LINGO4: variants seen among roughly 807,000 people sequenced by gnomAD.
LINGO4 encodes the protein leucine-rich repeat and immunoglobulin-like domain-containing nogo receptor-interacting protein 4.
A neutral mutation model predicts 27.9 loss-of-function variants in LINGO4; 22 were observed. The observed-to-expected ratio is 0.79, with a 90% CI of 0.56 to 1.13. The LOEUF (loss-of-function observed/expected upper bound fraction) is 1.13. Among genes scored for constraint, LINGO4 ranks in the 50% most tolerant of loss-of-function variants. LINGO4 has a pLI of 0.00. For synonymous variants in LINGO4, 306 were observed against 325.8 expected (o/e 0.94, Z 0.65); for missense variants, 706 against 739.4 (o/e 0.95, Z 0.52).
chr1:151,801,606 G>T lies in LINGO4; in HGVS notation c.1099C>A (p.Leu367Ile). Residue 367 changes from leucine (L) to isoleucine (I), a missense_variant, in exon 2 of 2, where the codon CTC (leucine) becomes ATC (isoleucine). Coordinates refer to ENST00000368820, the MANE Select transcript of LINGO4 (RefSeq NM_001004432.4). The surrounding 1 kb of genome is among the most constrained non-coding windows in gnomAD (Gnocchi z 5.7). ...GNPLTCDCRL[L>I]WLLRLRRHLD... ...TGGCGGCGGAGCCGGAGCAGCCAGA[G>T]GAGGCGGCAGTCACAGGTTAGGGGG... 6.2e-7 allele frequency: 1 copy of T among 1,613,914 alleles called. No homozygotes were observed. The highest frequency in any genetic ancestry group is 8.5e-7 in the Non-Finnish European group (1 of 1,180,028).
In LINGO4 at chr1:151,801,215, G is replaced by T. The variant is rs1423684564; in HGVS notation, c.1490C>A (p.Thr497Asn). The stretch of plus-strand genomic sequence containing the variant: ...TTCCACCTGGATGACTTCCAGCCAG[G>T]TCCTCAGGGAGTCATTCCCAGCGAC... ...SNVAGNDSLR[T>N]WLEVIQVEPP... is the part of the protein sequence containing the mutation. The change falls in exon 2 of 2, where the codon ACC (threonine) becomes AAC (asparagine). Residue 497 changes from threonine to asparagine, a missense_variant. Thr to Asn is a moderately conservative substitution (Grantham distance 65, BLOSUM62 0). Transcript: ENST00000368820. This position sits in a 1 kb window ranked among gnomAD's most constrained non-coding sequence, Gnocchi z 5.7. 2 of 1,614,092 alleles carry T rather than the reference G, an allele frequency of 1.2e-6. No homozygotes were observed. The highest frequency in any genetic ancestry group is 3.3e-5 in the Admixed American group (2 of 60,008).
chr1:151,801,292 G>A lies in LINGO4; in HGVS notation c.1413C>T (p.Ile471=). Residue 471 remains isoleucine (I), a synonymous_variant, in exon 2 of 2, where the codon ATC becomes ATT. Coordinates refer to ENST00000368820, the MANE Select transcript of LINGO4 (RefSeq NM_001004432.4). The surrounding 1 kb of genome is among the most constrained non-coding windows in gnomAD (Gnocchi z 5.7). ...CTCTGTCCCGTAGCTGCACTGAGCGGATCTCCAGTGTCCCATCCTCTAGGA... is the reference window on the plus strand; with the variant it reads ...CTCTGTCCCGTAGCTGCACTGAGCGAATCTCCAGTGTCCCATCCTCTAGGA... ...VRVLEDGTLE[I]RSVQLRDRGA... 6.2e-7 allele frequency: 1 copy of A among 1,613,898 alleles called. No homozygotes were observed. The highest frequency in any genetic ancestry group is 8.5e-7 in the Non-Finnish European group (1 of 1,179,800).
At position 151,800,931 on chromosome 1, in the gene LINGO4, G is replaced by A. The variant is rs375117714; in HGVS notation, c.1774C>T (p.Leu592Phe). ...CACTGGGGAAGGAAAGGTCAGAAGAGCTTGGCAGTGACCCGGTTACCCCCA... is the reference window on the plus strand; with the variant it reads ...CACTGGGGAAGGAAAGGTCAGAAGAACTTGGCAGTGACCCGGTTACCCCCA... ...NSGGNRVTAKLF is the reference protein window; with the variant it reads ...NSGGNRVTAKFF The change falls in exon 2 of 2, where the codon CTC becomes TTC. Residue 592 changes from leucine (L) to phenylalanine (F), a missense_variant. Coordinates refer to ENST00000368820, the MANE Select transcript of LINGO4 (RefSeq NM_001004432.4). 3 of 1,605,590 alleles carry A rather than the reference G, an allele frequency of 1.9e-6. No individual in the cohort carries two copies. The highest frequency in any genetic ancestry group is 1.1e-5 in the South Asian group (1 of 90,018).
At position 151,802,256 on chromosome 1, in the gene LINGO4, C is replaced by T. The variant is rs761001878; in HGVS notation, c.449G>A (p.Gly150Glu). 5 of 1,614,074 alleles carry T rather than the reference C, an allele frequency of 3.1e-6. No individual in the cohort carries two copies. In the Admixed American group the frequency reaches 8.3e-5, roughly 27 times the overall value. Residue 150 changes from glycine (G) to glutamate (E), a missense_variant, in exon 2 of 2, where the codon GGA (glycine) becomes GAA (glutamate). Transcript: ENST00000368820. ...GAGGCTGCCTAGCTCCCCAAAAGCT[C>T]CATCTAGGAAGAGAACAATCTGGTT... is the stretch of plus-strand genomic sequence containing the variant. ...RLNQIVLFLD[G>E]AFGELGSLQK...
At position 151,801,098 on chromosome 1, in the gene LINGO4, A is replaced by G; in HGVS notation, c.1607T>C (p.Leu536Pro). ...GAGGAAGGGGAGGAAGCCGACTGCC[A>G]GCACCATGGCCACACCTCTGCTATC... is the stretch of plus-strand genomic sequence containing the variant. ...FLDSRGVAMV[L>P]AVGFLPFLTS... The change falls in exon 2 of 2, where the codon CTG (leucine) becomes CCG (proline). Residue 536 changes from leucine to proline, a missense_variant. Transcript: ENST00000368820. The surrounding 1 kb of genome is among the most constrained non-coding windows in gnomAD (Gnocchi z 5.7). 6.2e-7 allele frequency: 1 copy of G among 1,614,242 alleles called. No individual in the cohort carries two copies.
Position 151,801,384 on chromosome 1 carries a change from G to A in LINGO4, c.1321C>T (p.Pro441Ser), listed in dbSNP as rs1651138729. The A allele has an allele frequency of 6.2e-7, 1 of 1,614,064 alleles. No homozygotes were observed. ...CTCATCCAGGAGACAGTGGGGGCTG[G>A]GTCTCCATCTCCAGAGCAGGAGAAA... ...AVFSCSGDGDPAPTVSWMRPH... is the reference protein window; with the variant it reads ...AVFSCSGDGDSAPTVSWMRPH... Residue 441 changes from proline (P) to serine (S), a missense_variant, in exon 2 of 2, where the codon CCA becomes TCA. Transcript: ENST00000368820. The surrounding 1 kb of genome is among the most constrained non-coding windows in gnomAD (Gnocchi z 5.7).
At position 151,805,290 on chromosome 1, in the gene LINGO4, G is replaced by C. The variant is rs1651256138; in HGVS notation, c.-74C>G. On this transcript the variant is annotated 5_prime_UTR_variant, in exon 1 of 2. Coordinates refer to ENST00000368820, the MANE Select transcript of LINGO4 (RefSeq NM_001004432.4). Reference sequence around the variant, plus strand: ...GCATCTGTCCAGCGCTGGGGGCCCTGTCCCATTCGAGCTGCACCTCAGGCC... The same window carrying C: ...GCATCTGTCCAGCGCTGGGGGCCCTCTCCCATTCGAGCTGCACCTCAGGCC... 1 of 158,380 alleles carries C rather than the reference G, an allele frequency of 6.3e-6. No individual in the cohort carries two copies. The highest frequency in any genetic ancestry group is 1.4e-5 in the Non-Finnish European group (1 of 71,004). The allele number at this position is 158,380 out of a possible 1,614,324, so 9.8% of individuals were successfully genotyped here.
Position 151,801,526 on chromosome 1 carries a change from C to G in LINGO4, c.1179G>C (p.Gly393=), listed in dbSNP as rs369003154. The G allele has an allele frequency of 2.5e-6, 4 of 1,613,948 alleles. No individual in the cohort carries two copies. The African/African-American group carries it at 4.0e-5, about 16-fold the overall frequency. Residue 393 remains glycine, a synonymous_variant, in exon 2 of 2, where the codon GGG becomes GGC. Coordinates refer to ENST00000368820, the MANE Select transcript of LINGO4 (RefSeq NM_001004432.4). This position sits in a 1 kb window ranked among gnomAD's most constrained non-coding sequence, Gnocchi z 5.7. The part of the protein sequence containing the change: ...PACAGPHHVQ[G]KSLKEFSDIL... ...TGTCTGAAAACTCCTTCAGGCTCTTCCCCTGGACATGATGGGGGCCAGCAC... is the reference window on the plus strand; with the variant it reads ...TGTCTGAAAACTCCTTCAGGCTCTTGCCCTGGACATGATGGGGGCCAGCAC...
chr1:151,802,782 C>T, intron 1 of LINGO4, 65 bp from the exon 2 acceptor site: 3 of 1,174,922 alleles, frequency 2.6e-6, no homozygotes. Flanking sequence ...CCCTGGACTT[C>T]CTGGCCCTTC....
rs149026173 is a variant in LINGO4 at position 151,800,925 on chromosome 1, A to C, written c.1780T>G (p.Ter594GlyextTer79). 4 of 1,601,230 alleles carry C rather than the reference A, an allele frequency of 2.5e-6. No individual in the cohort carries two copies. The highest frequency in any genetic ancestry group is 3.4e-6 in the Non-Finnish European group (4 of 1,172,264). The change falls in exon 2 of 2, where the codon TGA becomes GGA. Residue 594 changes from the stop codon to glycine, a stop_lost. Coordinates refer to ENST00000368820, the MANE Select transcript of LINGO4 (RefSeq NM_001004432.4). ...GGNRVTAKLF[*>G] ...GTTCCCCACTGGGGAAGGAAAGGTC[A>C]GAAGAGCTTGGCAGTGACCCGGTTA... is the stretch of plus-strand genomic sequence containing the variant.
Position 151,801,973 on chromosome 1 carries a change from C to T in LINGO4, c.732G>A (p.Leu244=). 4 of 1,614,176 alleles carry T rather than the reference C, an allele frequency of 2.5e-6. No homozygotes were observed. The highest frequency in any genetic ancestry group is 3.4e-6 in the Non-Finnish European group (4 of 1,180,004). Residue 244 remains leucine, a synonymous_variant, in exon 2 of 2, where the codon CTG becomes CTA. Transcript: ENST00000368820. This position sits in a 1 kb window ranked among gnomAD's most constrained non-coding sequence, Gnocchi z 5.7. ...EIHLWPSLEA[L]DPGSLVGLNL... ...TGAGCCCAACCAGGCTCCCAGGGTCCAGAGCCTCCAGAGATGGCCAGAGGT... is the reference window on the plus strand; with the variant it reads ...TGAGCCCAACCAGGCTCCCAGGGTCTAGAGCCTCCAGAGATGGCCAGAGGT...
In LINGO4 at chr1:151,802,595, C is replaced by T; in HGVS notation, c.110G>A (p.Cys37Tyr). 2 of 1,600,600 alleles carry T rather than the reference C, an allele frequency of 1.2e-6. No homozygotes were observed. Among genetic ancestry groups the T allele is most frequent in the South Asian group, 1.1e-5 (1 of 89,040 alleles). Residue 37 changes from cysteine (C) to tyrosine (Y), a missense_variant, in exon 2 of 2, where the codon TGC becomes TAC. Physicochemically the swap from Cys to Tyr is radical, Grantham distance 194 (BLOSUM62 -2). Coordinates refer to ENST00000368820, the MANE Select transcript of LINGO4 (RefSeq NM_001004432.4). The part of the protein sequence containing the change: ...SGGSCPAVCD[C>Y]TSQPQAVLCG... ...GAGCACAGCCTGGGGCTGGGAGGTG[C>T]AGTCACACACAGCAGGGCAGCTGCC...
Position 151,805,418 on chromosome 1 carries a change from C to A in LINGO4, c.-202G>T. On this transcript the variant is annotated 5_prime_UTR_variant, in exon 1 of 2. Coordinates refer to ENST00000368820, the MANE Select transcript of LINGO4 (RefSeq NM_001004432.4). ...GCTGCTGCGGCCGCTGCTGCCAAGACTGAGGTGGAGAAAAGAGCCAGAAAG... is the reference window on the plus strand; with the variant it reads ...GCTGCTGCGGCCGCTGCTGCCAAGAATGAGGTGGAGAAAAGAGCCAGAAAG... 5.7e-6 allele frequency: 1 copy of A among 175,046 alleles called. No individual in the cohort carries two copies. Among genetic ancestry groups the A allele is most frequent in the Non-Finnish European group, 1.2e-5 (1 of 80,338 alleles). The allele number at this position is 175,046 out of a possible 1,614,324, so 10.8% of individuals were successfully genotyped here. A position where few individuals can be genotyped will look rare whatever the true frequency, so the allele number is the denominator to read the frequency against.
intron 1 of LINGO4, among the ~76,000 whole-genome samples, chr1:151,803,529 A>G (rs1651208657): frequency 6.6e-6 from 1 of 152,222 alleles, no homozygotes; most frequent in Admixed American, 6.5e-5. Context: ...AAGGATGCCC[A>G]GGTTTTGAGT....
rs753777481 is a variant in LINGO4 at position 151,801,971 on chromosome 1, T to C, written c.734A>G (p.Asp245Gly). ...ATTGAGCCCAACCAGGCTCCCAGGG[T>C]CCAGAGCCTCCAGAGATGGCCAGAG... is the stretch of plus-strand genomic sequence containing the variant. ...IHLWPSLEAL[D>G]PGSLVGLNLS... Residue 245 changes from aspartate (D) to glycine (G), a missense_variant, in exon 2 of 2, where the codon GAC becomes GGC. Coordinates refer to ENST00000368820, the MANE Select transcript of LINGO4 (RefSeq NM_001004432.4). The surrounding 1 kb of genome is among the most constrained non-coding windows in gnomAD (Gnocchi z 5.7). 2.5e-6 allele frequency: 4 copies of C among 1,613,902 alleles called. No individual in the cohort carries two copies. The highest frequency in any genetic ancestry group is 3.4e-6 in the Non-Finnish European group (4 of 1,179,964).
rs144830565 is a variant in LINGO4 at position 151,804,472 on chromosome 1, T to C, written c.-14+758A>G. 8.7e-4 allele frequency among the ~76,000 whole-genome samples: 132 copies of C among 152,328 alleles called. 2 individuals are homozygous for C. In the East Asian group the frequency reaches 0.015, roughly 17 times the overall value. Reference sequence around the variant, plus strand: ...TTCTCCCTAGGCTTGTTCTGGGAAGTCCACCTGACAGCTAGCTCTTCATCA... The same window carrying C: ...TTCTCCCTAGGCTTGTTCTGGGAAGCCCACCTGACAGCTAGCTCTTCATCA... On this transcript the variant is annotated intron_variant, in intron 1 of 1. Transcript: ENST00000368820.
Position 151,802,211 on chromosome 1 carries a change from T to C in LINGO4, c.494A>G (p.Asp165Gly). The part of the protein sequence containing the change: ...LGSLQKLEVG[D>G]NHLVFVAPGA... The stretch of plus-strand genomic sequence containing the variant: ...CGGAGCCACAAATACCAGGTGGTTG[T>C]CCCCAACCTCCAGCTTCTGGAGGCT... The change falls in exon 2 of 2, where the codon GAC becomes GGC. Residue 165 changes from aspartate to glycine, a missense_variant. Asp to Gly is a moderately conservative substitution (Grantham distance 94, BLOSUM62 -1). Coordinates refer to ENST00000368820, the MANE Select transcript of LINGO4 (RefSeq NM_001004432.4). 1 of 1,614,092 alleles carries C rather than the reference T, an allele frequency of 6.2e-7. No homozygotes were observed. The highest frequency in any genetic ancestry group is 8.5e-7 in the Non-Finnish European group (1 of 1,180,008).
In LINGO4 at chr1:151,802,667, G is replaced by T; in HGVS notation, c.38C>A (p.Pro13Gln). Reference sequence around the variant, plus strand: ...GAGGAGGAAAAGGAGCGGGGGCCATGGGGGCCAGGCTTGCTTTGGAGCTGT... The same window carrying T: ...GAGGAGGAAAAGGAGCGGGGGCCATTGGGGCCAGGCTTGCTTTGGAGCTGT... ...AATAPKQAWPPWPPLLFLLLL... is the reference protein window; with the variant it reads ...AATAPKQAWPQWPPLLFLLLL... The change falls in exon 2 of 2, where the codon CCA (proline) becomes CAA (glutamine). Residue 13 changes from proline (P) to glutamine (Q), a missense_variant. By Grantham distance (76) the Pro-to-Gln change is moderately conservative (BLOSUM62 -1). Transcript: ENST00000368820. 1 of 1,543,406 alleles carries T rather than the reference G, an allele frequency of 6.5e-7. No individual in the cohort carries two copies. Among genetic ancestry groups the T allele is most frequent in the East Asian group, 2.3e-5 (1 of 44,220 alleles).
In LINGO4 at chr1:151,801,907, C is replaced by T. The variant is rs147001717; in HGVS notation, c.798G>A (p.Ser266=). The T allele has an allele frequency of 6.8e-6, 11 of 1,614,156 alleles. No homozygotes were observed. The highest frequency in any genetic ancestry group is 2.7e-5 in the African/African-American group (2 of 75,030). The change falls in exon 2 of 2, where the codon TCG becomes TCA. Residue 266 remains serine (S), a synonymous_variant. Coordinates refer to ENST00000368820, the MANE Select transcript of LINGO4 (RefSeq NM_001004432.4). The surrounding 1 kb of genome is among the most constrained non-coding windows in gnomAD (Gnocchi z 5.7). ...SLAITRCNLS[S]VPFQALYHLS... ...GGTGGTACAGTGCTTGGAAGGGCAC[C>T]GAGCTCAGATTGCAGCGAGTGATGG...
Sources: gnomAD v4.1 joint callset for allele counts (sites outside exome capture counted in the v4.1 genomes callset) on GRCh38, gnomAD v4.1.1 for gene constraint, Gnocchi (gnomAD v3.1) non-coding constraint, MANE v1.5 for transcripts, NCBI Gene and HGNC (gene_info 2026-07-23, HGNC 2026-07-21) for gene names.